Variants in METTL15 observed in about 807,000 individuals in gnomAD.
METTL15 encodes the protein methyltransferase 15, mitochondrial 12S rRNA N4-cytidine, also known as 12S rRNA N(4)-cytidine methyltransferase METTL15.
A neutral mutation model predicts 38.3 loss-of-function variants in METTL15; 34 were observed. That is an observed-to-expected ratio of 0.89 (90% CI 0.68 to 1.18). The LOEUF (loss-of-function observed/expected upper bound fraction) is 1.18. Among genes scored for constraint, METTL15 ranks in the 50% most tolerant of loss-of-function variants. The pLI, the probability that METTL15 is intolerant of heterozygous loss-of-function variation, is 0.00. For missense variants in METTL15, 438 were observed against 498.4 expected (o/e 0.88, Z 1.15); for synonymous variants, 162 against 170.9 (o/e 0.95, Z 0.41).
chr11:28,371,525 C>T (rs1044022139), intron 5 of METTL15, among the ~76,000 whole-genome samples: 6 of 151,740 alleles, frequency 4.0e-5, no homozygotes, highest in Non-Finnish European at 7.4e-5. Context: ...GTTGTGGTTC[C>T]GTATACTTTT....
At chr11:28,172,061 G>A (rs542636315) in intron 3 of METTL15, among the ~76,000 whole-genome samples, 72 of 152,176 alleles carry the variant, frequency 4.7e-4, no homozygotes, top group African/African-American at 1.5e-3. Context: ...TCAGCCTTCC[G>A]AAGTGTTGGG....
At chr11:28,153,623 A>T (rs1850168054) in intron 3 of METTL15, among the ~76,000 whole-genome samples, 1 of 152,166 alleles carries the variant, frequency 6.6e-6, no homozygotes, top group Admixed American at 6.6e-5. Context: ...GGTTGCTTGT[A>T]AGAAAATAAA....
intron 6 of METTL15, among the ~76,000 whole-genome samples, chr11:28,437,784 C>T (rs1850995903): frequency 6.6e-6 from 1 of 152,210 alleles, no homozygotes; most frequent in Non-Finnish European, 1.5e-5. Flanking sequence ...TGCTAGAGGA[C>T]ATGGTTTACA....
At chr11:28,172,546 T>C (rs1835345586) in intron 3 of METTL15, among the ~76,000 whole-genome samples, 1 of 152,166 alleles carries the variant, frequency 6.6e-6, no homozygotes, top group South Asian at 2.1e-4. Context: ...TCCTAATAGC[T>C]TCCATTTATT....
At chr11:28,183,884 G>T (rs552897915) in intron 3 of METTL15, among the ~76,000 whole-genome samples, 1 of 151,970 alleles carries the variant, frequency 6.6e-6, no homozygotes, top group African/African-American at 2.4e-5. Context: ...AATTCGTCTG[G>T]TTCTGGACTT....
At chr11:28,197,434 T>C (rs1590142176) in intron 3 of METTL15, 1 of 347,250 alleles carries the variant, frequency 2.9e-6, no homozygotes, top group Non-Finnish European at 6.1e-6. Context: ...GACACTACTT[T>C]TTTCAGATTT....
intron 6 of METTL15, among the ~76,000 whole-genome samples, chr11:28,437,254 G>A (rs1192416222): frequency 6.6e-6 from 1 of 152,138 alleles, no homozygotes; most frequent in African/African-American, 2.4e-5. Flanking sequence ...TTGTGATCAT[G>A]GGAGTCGATT....
intron 6 of METTL15, among the ~76,000 whole-genome samples, chr11:28,497,621 A>G (rs937813540): frequency 6.6e-6 from 1 of 152,212 alleles, no homozygotes; most frequent in Admixed American, 6.5e-5. Context: ...GAGGCTGGGA[A>G]GTCCATATCA....
chr11:28,220,485 A>G (rs932065859), intron 4 of METTL15, among the ~76,000 whole-genome samples: 4 of 152,174 alleles, frequency 2.6e-5, no homozygotes, highest in African/African-American at 4.8e-5. Context: ...TCCTGAATAC[A>G]GCACACTGAT....
At chr11:28,293,402 T>G (rs935013956) in intron 5 of METTL15, among the ~76,000 whole-genome samples, 75 of 152,202 alleles carry the variant, frequency 4.9e-4, no homozygotes, top group Admixed American at 7.2e-4. Context: ...TCTGTTCTGT[T>G]CCATTGATCT....
intron 4 of METTL15, among the ~76,000 whole-genome samples, chr11:28,358,430 T>C (rs1850108362): frequency 6.6e-6 from 1 of 152,186 alleles, no homozygotes; most frequent in South Asian, 2.1e-4. Flanking sequence ...CGTTTGTAAC[T>C]TTCCCTGAAG....
At chr11:28,394,841 G>A (rs1037405723) in intron 5 of METTL15, among the ~76,000 whole-genome samples, 3 of 152,010 alleles carry the variant, frequency 2.0e-5, no homozygotes, top group African/African-American at 7.2e-5. Context: ...ACAGTCATGT[G>A]TTACTTACCT....
chr11:28,210,977 TTG>T, intron 3 of METTL15, 83 bp from the exon 4 acceptor site: 7 of 1,367,102 alleles, frequency 5.1e-6, no homozygotes, highest in Non-Finnish European at 5.9e-6. Flanking sequence ...CTGAAAATCA[TTG>T]TGTGCTTCTA....
chr11:28,430,042 G>C (rs1459854642), intron 6 of METTL15, among the ~76,000 whole-genome samples: 5 of 141,216 alleles, frequency 3.5e-5, no homozygotes, highest in Non-Finnish European at 6.2e-5. Flanking sequence ...GCCTCTGCCC[G>C]GCCGAGACCC....
At chr11:28,376,890 A>T (rs1053109185) in intron 5 of METTL15, among the ~76,000 whole-genome samples, 3 of 141,088 alleles carry the variant, frequency 2.1e-5, no homozygotes, top group Non-Finnish European at 4.7e-5. Flanking sequence ...GCTTGTCTGT[A>T]AAGTATTTTA....
chr11:28,167,506 A>G (rs1158705072), intron 3 of METTL15, among the ~76,000 whole-genome samples: 1 of 152,058 alleles, frequency 6.6e-6, no homozygotes, highest in Non-Finnish European at 1.5e-5. Context: ...TTCTCTATGC[A>G]GATAATTTTT....
chr11:28,311,995 A>G (rs1388101847), intron 6 of METTL15, among the ~76,000 whole-genome samples: 1 of 152,216 alleles, frequency 6.6e-6, no homozygotes, highest in East Asian at 1.9e-4. Context: ...AAGCAATGTA[A>G]GAAAGCTGAG....
chr11:28,417,926 C>T (rs1416305127), intron 5 of METTL15, among the ~76,000 whole-genome samples: 1 of 152,100 alleles, frequency 6.6e-6, no homozygotes, highest in Non-Finnish European at 1.5e-5. Context: ...ATATACTTCC[C>T]TGCTTTATTA....
intron 3 of METTL15, among the ~76,000 whole-genome samples, chr11:28,190,220 T>C (rs537492483): frequency 6.6e-6 from 1 of 151,316 alleles, no homozygotes; most frequent in South Asian, 2.1e-4. Flanking sequence ...AGAGGGGAAA[T>C]GTATGGTGTC....
Sources: gnomAD v4.1 joint callset for allele counts (sites outside exome capture counted in the v4.1 genomes callset) on GRCh38, gnomAD v4.1.1 for gene constraint, MANE v1.5 for transcripts, NCBI Gene and HGNC (gene_info 2026-07-23, HGNC 2026-07-21) for gene names.